The following PDSS1 variants were observed in gnomAD, a reference collection of about 807,000 sequenced individuals.
PDSS1 encodes all trans-polyprenyl-diphosphate synthase PDSS1.
In PDSS1, 43 loss-of-function variants were observed where a neutral mutation model predicts 57.5. That is an observed-to-expected ratio of 0.75 (90% CI 0.59 to 0.96). The LOEUF is 0.96. Among genes scored for constraint, PDSS1 ranks in the 50% least tolerant of loss-of-function variants. The pLI, the probability that PDSS1 is intolerant of heterozygous loss-of-function variation, is 0.00. For synonymous variants in PDSS1, 175 were observed against 191.3 expected, an observed-to-expected ratio of 0.91 and a Z score of 0.70; for missense variants, 438 against 527.8, an observed-to-expected ratio of 0.83 and a Z score of 1.67.
chr10:26,727,156 G>T (rs1456292149), intron 8 of PDSS1, among the ~76,000 whole-genome samples: 1 of 151,834 alleles, frequency 6.6e-6, no homozygotes, highest in Non-Finnish European at 1.5e-5. Flanking sequence ...TTGTACTCAT[G>T]CAAAATACAT....
chr10:26,726,950 TAC>T (rs1239177087), intron 8 of PDSS1, among the ~76,000 whole-genome samples: 1 of 151,866 alleles, frequency 6.6e-6, no homozygotes, highest in African/African-American at 2.4e-5. Flanking sequence ...TAATGCCAGC[TAC>T]TTGGGAAGCT....
Position 26,746,408 on chromosome 10 carries a change from C to G in PDSS1, c.1183C>G (p.Arg395Gly). The G allele has an allele frequency of 6.2e-7, 1 of 1,614,024 alleles. No homozygotes were observed. The highest frequency in any genetic ancestry group is 1.1e-5 in the South Asian group (1 of 91,086). Reference protein sequence around the residue: ...HEAIREISKLRPSPERDALIQ... With the variant: ...HEAIREISKLGPSPERDALIQ... Reference sequence around the variant, plus strand: ...AGCAATAAGAGAGATCAGTAAACTTCGACCATCCCCAGAAAGAGATGCCCT... The same window carrying G: ...AGCAATAAGAGAGATCAGTAAACTTGGACCATCCCCAGAAAGAGATGCCCT... The change falls in exon 12 of 12, where the codon CGA (arginine) becomes GGA (glycine). Residue 395 changes from arginine (R) to glycine (G), a missense_variant. This residue lies in a region of PDSS1 where 284 missense variants were observed against 390.7 expected (regional missense o/e 0.73). Transcript: ENST00000376215.
chr10:26,737,690 T>C (rs1423632443), intron 10 of PDSS1, among the ~76,000 whole-genome samples: 1 of 120,236 alleles, frequency 8.3e-6, no homozygotes, highest in African/African-American at 3.3e-5. Flanking sequence ...GAGACTGCAC[T>C]CCAGCCTGGG....
chr10:26,699,497 C>A (rs557124100), intron 1 of PDSS1, among the ~76,000 whole-genome samples: 1 of 151,498 alleles, frequency 6.6e-6, no homozygotes, highest in East Asian at 1.9e-4. Context: ...CAGGTTCAAG[C>A]GATTCTCCTG....
intron 11 of PDSS1, among the ~76,000 whole-genome samples, chr10:26,745,063 C>G (rs1425088284): frequency 6.6e-6 from 1 of 151,990 alleles, no homozygotes; most frequent in East Asian, 1.9e-4. Flanking sequence ...ACTTAGGAGG[C>G]TGAGGCACGA....
chr10:26,745,943 TTTG>T (rs1190983049), intron 11 of PDSS1, among the ~76,000 whole-genome samples: 2 of 152,206 alleles, frequency 1.3e-5, no homozygotes, highest in Non-Finnish European at 2.9e-5. Flanking sequence ...GTACTTTCAT[TTTG>T]TTATGTCTTT....
chr10:26,701,434 G>A (rs536237018), intron 1 of PDSS1, among the ~76,000 whole-genome samples: 86 of 152,312 alleles, frequency 5.6e-4, no homozygotes, highest in Admixed American at 9.1e-4. Context: ...TGGGCCCAGG[G>A]CCCTGCTGCT....
chr10:26,730,406 T>C (rs921971103), intron 8 of PDSS1, among the ~76,000 whole-genome samples: 6 of 151,550 alleles, frequency 4.0e-5, no homozygotes, highest in African/African-American at 7.3e-5. Context: ...GCCCAGGAGT[T>C]TGAGACCAGC....
At chr10:26,729,848 G>C (rs1248829889) in intron 8 of PDSS1, among the ~76,000 whole-genome samples, 3 of 147,762 alleles carry the variant, frequency 2.0e-5, no homozygotes, top group African/African-American at 7.4e-5. Flanking sequence ...ACCAAGGTCT[G>C]ATTTTTCACA....
chr10:26,724,852 A>G (rs1835902096), intron 8 of PDSS1, among the ~76,000 whole-genome samples: 1 of 152,222 alleles, frequency 6.6e-6, no homozygotes, highest in African/African-American at 2.4e-5. Context: ...TACTGGGATT[A>G]CAGGCATGAG....
At position 26,723,931 on chromosome 10, in the gene PDSS1, G is replaced by A. The variant is rs1490102924; in HGVS notation, c.721+14G>A. ...ATTTGGTGCGTGGTACGTTGATTCTGATTTTTCTTCTTTGTTATTCAACCC... is the reference window on the plus strand; with the variant it reads ...ATTTGGTGCGTGGTACGTTGATTCTAATTTTTCTTCTTTGTTATTCAACCC... On this transcript the variant is annotated intron_variant, in intron 7 of 11. Coordinates refer to ENST00000376215, the MANE Select transcript of PDSS1 (RefSeq NM_014317.5). The A allele has an allele frequency of 3.1e-6, 5 of 1,596,046 alleles. No individual in the cohort carries two copies. The Admixed American group carries it at 8.3e-5, about 27-fold the overall frequency.
At chr10:26,706,437 G>A (rs1024053529) in intron 4 of PDSS1, among the ~76,000 whole-genome samples, 4 of 152,154 alleles carry the variant, frequency 2.6e-5, no homozygotes, top group African/African-American at 9.7e-5. Context: ...TCTGGCGATT[G>A]CCTGCTCTCC....
At chr10:26,702,059 C>CT in intron 1 of PDSS1, 103 bp from the exon 2 acceptor site, 1 of 434,616 alleles carries the variant, frequency 2.3e-6, no homozygotes, top group Non-Finnish European at 4.6e-6. Flanking sequence ...CTGTAAGCCC[C>CT]TTCGTTTTGG....
intron 8 of PDSS1, 32 bp downstream of exon 8, chr10:26,724,155 GC>G: frequency 7.1e-7 from 1 of 1,412,430 alleles, no homozygotes; most frequent in South Asian, 1.1e-5. Flanking sequence ...TCAAGTTAAA[GC>G]CTCATAGCTC....
At chr10:26,699,727 C>T (rs974092369) in intron 1 of PDSS1, among the ~76,000 whole-genome samples, 1 of 152,092 alleles carries the variant, frequency 6.6e-6, no homozygotes, top group Non-Finnish European at 1.5e-5. Flanking sequence ...GTTTCTTGCC[C>T]ACCAAGCAAC....
intron 5 of PDSS1, among the ~76,000 whole-genome samples, chr10:26,710,126 C>T: frequency 1.0e-5 from 1 of 99,408 alleles, no homozygotes; most frequent in East Asian, 2.5e-4. Flanking sequence ...TGCACTCCAG[C>T]CTGGGCGACA....
chr10:26,730,429 G>T (rs1226521903), intron 8 of PDSS1, among the ~76,000 whole-genome samples: 2 of 151,604 alleles, frequency 1.3e-5, no homozygotes, highest in Non-Finnish European at 2.9e-5. Context: ...GGGCAACATG[G>T]CGAAACCTCT....
chr10:26,739,343 T>G (rs1836508259), intron 10 of PDSS1, among the ~76,000 whole-genome samples: 1 of 152,234 alleles, frequency 6.6e-6, no homozygotes, highest in Non-Finnish European at 1.5e-5. Flanking sequence ...TGTCACTAAA[T>G]CTGCAGGCAA....
chr10:26,702,434 C>T (rs1835080971), intron 2 of PDSS1, among the ~76,000 whole-genome samples: 1 of 152,150 alleles, frequency 6.6e-6, no homozygotes, highest in African/African-American at 2.4e-5. Context: ...TTCCCCCATG[C>T]TGTTCTTGTT....
Sources: gnomAD v4.1 joint callset for allele counts (sites outside exome capture counted in the v4.1 genomes callset) on GRCh38, gnomAD v4.1.1 for gene constraint, gnomAD v4.1.1 regional missense constraint, MANE v1.5 for transcripts, NCBI Gene and HGNC (gene_info 2026-07-23, HGNC 2026-07-21) for gene names.